The following USP25 variants were observed in gnomAD, a reference collection of about 807,000 sequenced individuals.
The protein encoded by USP25 is ubiquitin carboxyl-terminal hydrolase 25.
A neutral mutation model predicts 158.5 loss-of-function variants in USP25; 85 were observed. The observed-to-expected ratio is 0.54, with a 90% CI of 0.45 to 0.64. USP25 has a LOEUF of 0.64. USP25 is among the 30% of genes least tolerant of loss of function. The pLI, the probability that USP25 is intolerant of heterozygous loss-of-function variation, is 0.00. For synonymous variants in USP25, 464 were observed against 460.4 expected (o/e 1.01, Z -0.10); for missense variants, 1,242 against 1,327.3 (o/e 0.94, Z 1.00).
At position 15,766,063 on chromosome 21, in the gene USP25, CAGG is replaced by C; in HGVS notation, c.196_198del (p.Glu66del). The stretch of plus-strand genomic sequence containing the variant: ...TGCGAAGAATGCTAAGACCCCTCAG[CAGG>C]AGGAGACAACTTACTACCAAACAGC... On this transcript the variant is annotated inframe_deletion, in exon 3 of 26. Coordinates refer to ENST00000400183, the MANE Select transcript of USP25 (RefSeq NM_001283041.3). The surrounding 1 kb of genome is among the most constrained non-coding windows in gnomAD (Gnocchi z 4.0). The C allele has an allele frequency of 6.2e-7, 1 of 1,610,858 alleles. No individual in the cohort carries two copies. The highest frequency in any genetic ancestry group is 1.1e-5 in the South Asian group (1 of 90,914).
chr21:15,752,268 T>A (rs758824665), intron 1 of USP25, among the ~76,000 whole-genome samples: 3 of 150,574 alleles, frequency 2.0e-5, no homozygotes, highest in Non-Finnish European at 4.4e-5. Context: ...CAGGCTGGAG[T>A]GCAGTGGCGT....
At chr21:15,861,540 T>C (rs1361042716) in intron 20 of USP25, among the ~76,000 whole-genome samples, 1 of 152,126 alleles carries the variant, frequency 6.6e-6, no homozygotes, top group Non-Finnish European at 1.5e-5. Flanking sequence ...ACAAATATAA[T>C]GTTAATTTAC....
At chr21:15,840,812 A>G (rs1370143458) in intron 17 of USP25, among the ~76,000 whole-genome samples, 2 of 152,298 alleles carry the variant, frequency 1.3e-5, no homozygotes, top group Admixed American at 1.3e-4. Context: ...TATTGCTTTA[A>G]GTTCACATCC....
chr21:15,876,801 C>G (rs1028969956), intron 24 of USP25: 2 of 152,082 alleles, frequency 1.3e-5, no homozygotes, highest in Non-Finnish European at 1.5e-5. Context: ...AACCATCTTT[C>G]CAAAATCAAA....
intron 17 of USP25, among the ~76,000 whole-genome samples, chr21:15,833,807 TGGGCTTGAATTTTCTTGGCAA>T (rs2037928607): frequency 6.6e-6 from 1 of 152,164 alleles, no homozygotes; most frequent in Non-Finnish European, 1.5e-5. Flanking sequence ...CTGTGTTGGG[TGGGCTTGAATTTTCTTGGCAA>T]GTAGCAGAGA....
At chr21:15,796,305 T>C (rs1391445835) in intron 5 of USP25, among the ~76,000 whole-genome samples, 1 of 151,472 alleles carries the variant, frequency 6.6e-6, no homozygotes, top group Non-Finnish European at 1.5e-5. Context: ...TGAGTAATGG[T>C]AGATGAGGTT....
intron 1 of USP25, among the ~76,000 whole-genome samples, chr21:15,736,000 GTGTA>G (rs1440338833): frequency 7.4e-4 from 112 of 151,572 alleles, no homozygotes; most frequent in African/African-American, 2.4e-3. Context: ...GTGTGTGTGT[GTGTA>G]TGTATGTACA....
intron 1 of USP25, among the ~76,000 whole-genome samples, chr21:15,750,163 T>A (rs948958362): frequency 6.6e-6 from 1 of 151,054 alleles, no homozygotes; most frequent in Non-Finnish European, 1.5e-5. Flanking sequence ...AATTATACTT[T>A]AATGAAATCT....
At chr21:15,749,753 G>T (rs766363494) in intron 1 of USP25, among the ~76,000 whole-genome samples, 2 of 152,218 alleles carry the variant, frequency 1.3e-5, no homozygotes, top group Non-Finnish European at 2.9e-5. Flanking sequence ...GGTAATAGCT[G>T]AAATAAACTG....
In USP25 at chr21:15,846,929, C is replaced by T. The variant is rs76482816; in HGVS notation, c.2338-734C>T. 4.6e-3 allele frequency among the ~76,000 whole-genome samples: 689 copies of T among 151,328 alleles called. 5 individuals are homozygous for T. The highest frequency in any genetic ancestry group is 0.015 in the African/African-American group (636 of 41,246). On this transcript the variant is annotated intron_variant, in intron 18 of 25. Transcript: ENST00000400183. ...TACTGAAATACATAGAATTTGTTAA[C>T]AATAAAAAGAAAAAAAGGAATAAAT...
At chr21:15,736,666 C>T (rs966366967) in intron 1 of USP25, among the ~76,000 whole-genome samples, 6 of 148,798 alleles carry the variant, frequency 4.0e-5, no homozygotes, top group South Asian at 2.1e-4. Flanking sequence ...TAGCTTTTTT[C>T]GGTAACATAA....
chr21:15,771,144 C>T (rs886186805), intron 3 of USP25, among the ~76,000 whole-genome samples: 3 of 152,132 alleles, frequency 2.0e-5, no homozygotes, highest in African/African-American at 7.2e-5. Flanking sequence ...GCATGCAGAG[C>T]CTCAGTTTAC....
intron 1 of USP25, among the ~76,000 whole-genome samples, chr21:15,734,272 G>A (rs1331833499): frequency 6.6e-6 from 1 of 152,030 alleles, no homozygotes; most frequent in Non-Finnish European, 1.5e-5. Flanking sequence ...CTGGATTCAG[G>A]GTAAATTTCT....
intron 10 of USP25, among the ~76,000 whole-genome samples, chr21:15,820,849 A>G (rs1568848786): frequency 6.6e-6 from 1 of 151,912 alleles, no homozygotes; most frequent in Non-Finnish European, 1.5e-5. Context: ...GTGGCCAACT[A>G]ATATATAGGA....
At chr21:15,783,977 A>T (rs1037712583) in intron 4 of USP25, among the ~76,000 whole-genome samples, 1 of 152,146 alleles carries the variant, frequency 6.6e-6, no homozygotes, top group South Asian at 2.1e-4. Flanking sequence ...CTCAAAAAAA[A>T]TAAAGAAAAG....
intron 21 of USP25, among the ~76,000 whole-genome samples, chr21:15,864,966 A>T (rs2039593524): frequency 6.6e-6 from 1 of 152,104 alleles, no homozygotes; most frequent in Non-Finnish European, 1.5e-5. Flanking sequence ...AAATAATTAA[A>T]CATTCTTTGA....
At chr21:15,817,239 A>G (rs1324582471) in intron 9 of USP25, among the ~76,000 whole-genome samples, 1 of 151,246 alleles carries the variant, frequency 6.6e-6, no homozygotes, top group Non-Finnish European at 1.5e-5. Flanking sequence ...GTTATTCTTG[A>G]TATTTTCCTT....
Position 15,850,407 on chromosome 21 carries a change from C to T in USP25, c.2547+535C>T, listed in dbSNP as rs138191382. On this transcript the variant is annotated intron_variant, in intron 20 of 25. Transcript: ENST00000400183. ...ACATGTGAGAACATCAAGCTGAACA[C>T]GATTCCATGATTTACCCACATCTTT... is the stretch of plus-strand genomic sequence containing the variant. Among the ~76,000 whole-genome samples the T allele has an allele frequency of 1.4e-3, 206 of 152,078 alleles. 2 individuals are homozygous for T. The highest frequency in any genetic ancestry group is 0.013 in the South Asian group (62 of 4,826).
At chr21:15,829,785 A>AT (rs1322658276) in intron 14 of USP25, among the ~76,000 whole-genome samples, 2 of 152,018 alleles carry the variant, frequency 1.3e-5, no homozygotes, top group Non-Finnish European at 2.9e-5. Context: ...TATAATGTAG[A>AT]TTTTTTAAAG....
Sources: gnomAD v4.1 joint callset for allele counts (sites outside exome capture counted in the v4.1 genomes callset) on GRCh38, gnomAD v4.1.1 for gene constraint, Gnocchi (gnomAD v3.1) non-coding constraint, MANE v1.5 for transcripts, NCBI Gene and HGNC (gene_info 2026-07-23, HGNC 2026-07-21) for gene names.